The following EEA1 variants were observed in gnomAD, a reference collection of about 807,000 sequenced individuals.
EEA1 encodes the protein early endosome antigen 1, 162kD.
A neutral mutation model predicts 209.2 loss-of-function variants in EEA1; 111 were observed. That is an observed-to-expected ratio of 0.53 (90% CI 0.45 to 0.62). EEA1 has a LOEUF of 0.62. Among genes scored for constraint, EEA1 ranks in the 20% least tolerant of loss-of-function variants. The pLI is 0.00. For synonymous variants in EEA1, 536 were observed against 540.6 expected, an observed-to-expected ratio of 0.99 and a Z score of 0.12; for missense variants, 1,343 against 1,530.8, an observed-to-expected ratio of 0.88 and a Z score of 2.05.
chr12:92,876,198 G>A lies in EEA1; in HGVS notation c.118-11211C>T, dbSNP rs147842424. Among the ~76,000 whole-genome samples, 352 of 151,586 alleles carry A rather than the reference G, an allele frequency of 2.3e-3. 3 individuals carry two copies. Among genetic ancestry groups the A allele is most frequent in the African/African-American group, 7.9e-3 (325 of 41,306 alleles). ...AGCGATCCTCCCACCTTAGCCTCCCGAGTAGCTGAGAATACAGGTGCATGC... is the reference window on the plus strand; with the variant it reads ...AGCGATCCTCCCACCTTAGCCTCCCAAGTAGCTGAGAATACAGGTGCATGC... On this transcript the variant is annotated intron_variant, in intron 2 of 28. Coordinates refer to ENST00000322349, the MANE Select transcript of EEA1 (RefSeq NM_003566.4).
chr12:92,926,150 C>G (rs192045385), intron 1 of EEA1, among the ~76,000 whole-genome samples: 55 of 152,168 alleles, frequency 3.6e-4, no homozygotes, highest in South Asian at 6.2e-4. Flanking sequence ...TGCACCACCA[C>G]TCCCGGCTAA....
At chr12:92,850,209 G>A (rs555030086) in intron 9 of EEA1, among the ~76,000 whole-genome samples, 12 of 152,226 alleles carry the variant, frequency 7.9e-5, no homozygotes, top group South Asian at 6.2e-4. Flanking sequence ...CAGAACCAGC[G>A]CATGTAAATT....
At chr12:92,887,143 G>A (rs1879448217) in intron 2 of EEA1, among the ~76,000 whole-genome samples, 2 of 151,994 alleles carry the variant, frequency 1.3e-5, no homozygotes, top group African/African-American at 4.8e-5. Context: ...TTAATTAATT[G>A]GATAATTCAT....
chr12:92,916,126 G>C (rs1302204796), intron 1 of EEA1, among the ~76,000 whole-genome samples: 4 of 152,076 alleles, frequency 2.6e-5, no homozygotes, highest in Non-Finnish European at 5.9e-5. Context: ...GATTAAAATT[G>C]ACCTACATAT....
intron 2 of EEA1, among the ~76,000 whole-genome samples, chr12:92,884,895 A>C (rs1288892038): frequency 1.3e-5 from 2 of 152,150 alleles, no homozygotes; most frequent in Non-Finnish European, 2.9e-5. Context: ...TAATTGTATA[A>C]CAAGTCATTT....
intron 3 of EEA1, among the ~76,000 whole-genome samples, chr12:92,860,264 GT>G (rs1246318924): frequency 6.6e-6 from 1 of 151,068 alleles, no homozygotes; most frequent in Non-Finnish European, 1.5e-5. Context: ...ACCAGATAAC[GT>G]TTTTTTTTCT....
chr12:92,826,545 T>A (rs1289411734), intron 12 of EEA1, among the ~76,000 whole-genome samples: 1 of 144,356 alleles, frequency 6.9e-6, no homozygotes, highest in Non-Finnish European at 1.5e-5. Context: ...CTGTCTCTAC[T>A]AAAAAAAAAA....
Position 92,852,199 on chromosome 12 carries a change from TAC to T in EEA1, c.616_617del (p.Val206AsnfsTer33), listed in dbSNP as rs1487060114. 6.3e-7 allele frequency: 1 copy of T among 1,588,846 alleles called. No homozygotes were observed. Among genetic ancestry groups the T allele is most frequent in the Admixed American group, 1.8e-5 (1 of 55,840 alleles). On this transcript the variant is annotated frameshift_variant, in exon 8 of 29. Transcript: ENST00000322349. LOFTEE classifies it high-confidence loss of function. ...LTEELNKEAT[V>X]IQDLKTELLQ... is the part of the protein sequence containing the mutation. ...CCAGTTCCGTCTTCAGATCTTGAAT[TAC>T]AGTTGCCTCTTTGTTTAATTCTTCT...
intron 3 of EEA1, chr12:92,859,215 C>G (rs1358610575): frequency 6.2e-7 from 1 of 1,613,052 alleles, no homozygotes; most frequent in African/African-American, 1.3e-5. Flanking sequence ...GGACTGCAGC[C>G]TATGGCCACT....
At chr12:92,820,453 T>C (rs1461054664) in intron 13 of EEA1, among the ~76,000 whole-genome samples, 1 of 152,140 alleles carries the variant, frequency 6.6e-6, no homozygotes, top group African/African-American at 2.4e-5. Context: ...CAAACCTCTC[T>C]GCCTCTCAGT....
Position 92,860,737 on chromosome 12 carries a change from C to T in EEA1, c.246-3252G>A, listed in dbSNP as rs577891845. On this transcript the variant is annotated intron_variant, in intron 3 of 28. Transcript: ENST00000322349. Reference sequence around the variant, plus strand: ...ACTTAGCTGGTGTGATACAGAGAAGCCAGCTTGTTTACATGCTTATTCCAT... The same window carrying T: ...ACTTAGCTGGTGTGATACAGAGAAGTCAGCTTGTTTACATGCTTATTCCAT... Among the ~76,000 whole-genome samples, 7 of 152,214 alleles carry T rather than the reference C, an allele frequency of 4.6e-5. No individual in the cohort carries two copies. In the South Asian group the frequency reaches 8.3e-4, roughly 18 times the overall value.
intron 2 of EEA1, among the ~76,000 whole-genome samples, chr12:92,868,608 A>G (rs779199139): frequency 7.3e-4 from 111 of 152,262 alleles, no homozygotes; most frequent in Non-Finnish European, 1.2e-3. Context: ...ATACCCTGAA[A>G]TAAATGATTC....
At position 92,801,483 on chromosome 12, in the gene EEA1, A is replaced by G. The variant is rs1874904845; in HGVS notation, c.2772+117T>C. 5 of 561,408 alleles carry G rather than the reference A, an allele frequency of 8.9e-6. No individual in the cohort carries two copies. In the South Asian group the frequency reaches 1.6e-4, roughly 18 times the overall value. 34.8% of individuals were successfully genotyped at this position (561,408 alleles called of 1,614,324 possible). On this transcript the variant is annotated intron_variant, in intron 20 of 28. Transcript: ENST00000322349. ...AAATGCTTATTTTTCTTAAAACTATAAAAAAAAATTATCTGTGGAAATGCC... is the reference window on the plus strand; with the variant it reads ...AAATGCTTATTTTTCTTAAAACTATGAAAAAAAATTATCTGTGGAAATGCC...
Position 92,851,098 on chromosome 12 carries a change from T to A in EEA1, c.798+13A>T, listed in dbSNP as rs774035986. ...TAATATGAATCACATTTAAGTACAA[T>A]GAACTTCATTACCTCTGAGCTAGCA... On this transcript the variant is annotated intron_variant, in intron 9 of 28. Transcript: ENST00000322349. The A allele has an allele frequency of 1.9e-5, 30 of 1,612,400 alleles. No homozygotes were observed. The highest frequency in any genetic ancestry group is 2.5e-5 in the Non-Finnish European group (30 of 1,179,434).
chr12:92,789,090 G>C (rs982881251), intron 21 of EEA1, among the ~76,000 whole-genome samples: 4 of 151,974 alleles, frequency 2.6e-5, no homozygotes, highest in South Asian at 4.2e-4. Context: ...AGGAGTTCGA[G>C]ACCAGCCTGA....
intron 18 of EEA1, among the ~76,000 whole-genome samples, chr12:92,803,236 T>C (rs56382246): frequency 0.066 from 9,987 of 152,020 alleles, 341 homozygotes; most frequent in Middle Eastern, 0.11. Context: ...ATTAAAAAAA[T>C]ATTTTATTTA....
At position 92,782,014 on chromosome 12, in the gene EEA1, G is replaced by A. The variant is rs144710600; in HGVS notation, c.3272C>T (p.Ser1091Leu). The A allele has an allele frequency of 2.3e-3, 3,762 of 1,613,096 alleles. 7 individuals are homozygous for A. Among genetic ancestry groups the A allele is most frequent in the Middle Eastern group, 8.1e-3 (49 of 6,056 alleles). ...CTGCAATTGCTGTTCTTTCTTTGCT[G>A]AATCCTGCTCCAATGTAGCCTTGGC... ...KTAKATLEQD[S>L]AKKEQQLQER... Residue 1091 changes from serine to leucine, a missense_variant, in exon 23 of 29, where the codon TCA becomes TTA. Ser to Leu is a moderately radical substitution (Grantham distance 145, BLOSUM62 -2). Around this residue, in one of 3 missense-constraint regions of EEA1, gnomAD observed 1,307 missense variants for 1,465.5 expected, o/e 0.89. Transcript: ENST00000322349.
Position 92,847,793 on chromosome 12 carries a change from C to T in EEA1, c.798+3318G>A, listed in dbSNP as rs77839707. ...TTGAACAATTTACTTAATCTCATTG[C>T]CTCTCAGATTCCTCACATGTAAAAC... On this transcript the variant is annotated intron_variant, in intron 9 of 28. Coordinates refer to ENST00000322349, the MANE Select transcript of EEA1 (RefSeq NM_003566.4). Among the ~76,000 whole-genome samples the T allele has an allele frequency of 3.2e-4, 48 of 152,198 alleles. No homozygotes were observed. The East Asian group carries it at 9.1e-3, about 29-fold the overall frequency.
At chr12:92,869,726 C>A (rs1305355444) in intron 2 of EEA1, among the ~76,000 whole-genome samples, 1 of 116,414 alleles carries the variant, frequency 8.6e-6, no homozygotes, top group Non-Finnish European at 1.6e-5. Context: ...GCACTCCAGC[C>A]TGGGTGACAC....
Sources: allele counts gnomAD v4.1 joint callset (sites outside exome capture counted in the v4.1 genomes callset), GRCh38; gene constraint gnomAD v4.1.1; regional missense constraint gnomAD v4.1.1; transcripts MANE v1.5; gene names NCBI Gene and HGNC (gene_info 2026-07-23, HGNC 2026-07-21).